Variants in CHRM3 observed in about 807,000 individuals in gnomAD.
CHRM3 encodes cholinergic receptor muscarinic 3.
In CHRM3, 11 loss-of-function variants were observed where a neutral mutation model predicts 41.8. The observed-to-expected ratio is 0.26, with a 90% CI of 0.17 to 0.44. The LOEUF is 0.44. Among genes scored for constraint, CHRM3 ranks in the 20% least tolerant of loss-of-function variants. The pLI is 1.00. For missense variants in CHRM3, 571 were observed against 745.4 expected, an observed-to-expected ratio of 0.77 and a Z score of 2.72; for synonymous variants, 297 against 301.4, an observed-to-expected ratio of 0.99 and a Z score of 0.15.
intron 4 of CHRM3, among the ~76,000 whole-genome samples, chr1:239,675,802 A>G (rs140603846): frequency 6.6e-6 from 1 of 152,282 alleles, no homozygotes; most frequent in African/African-American, 2.4e-5. Flanking sequence ...ATGATAAGAT[A>G]TTGAGCTGTG....
At chr1:239,399,334 ATTTT>A (rs71567244) in intron 1 of CHRM3, among the ~76,000 whole-genome samples, 1 of 135,208 alleles carries the variant, frequency 7.4e-6, no homozygotes. Flanking sequence ...ATGACCTCTG[ATTTT>A]TTTTTTTTTT....
rs989212444 is a variant in CHRM3 at position 239,409,575 on chromosome 1, G to C, written c.-521+22348G>C. ...ATGCTTACATGGGTGTGACTTTTAA[G>C]CAGATATTTAAAAAATTTTTGGGGC... is the stretch of plus-strand genomic sequence containing the variant. On this transcript the variant is annotated intron_variant, in intron 1 of 6. Coordinates refer to ENST00000676153, the MANE Select transcript of CHRM3 (RefSeq NM_001375978.1). Among the ~76,000 whole-genome samples the C allele has an allele frequency of 2.6e-5, 4 of 152,156 alleles. No individual in the cohort carries two copies. The East Asian group carries it at 7.7e-4, about 29-fold the overall frequency.
At chr1:239,477,678 G>T (rs1666559967) in intron 1 of CHRM3, among the ~76,000 whole-genome samples, 1 of 152,164 alleles carries the variant, frequency 6.6e-6, no homozygotes, top group African/African-American at 2.4e-5. Flanking sequence ...GGCCTTCACT[G>T]ATGGTACAGA....
chr1:239,424,359 G>C (rs10925880), intron 1 of CHRM3, among the ~76,000 whole-genome samples: 28,919 of 151,786 alleles, frequency 0.19, 2,859 homozygotes, highest in South Asian at 0.29. Flanking sequence ...TGGGTTTTGA[G>C]CTAGGCTTGG....
chr1:239,428,916 A>G (rs1294386482), intron 1 of CHRM3, among the ~76,000 whole-genome samples: 1 of 152,186 alleles, frequency 6.6e-6, no homozygotes, highest in Non-Finnish European at 1.5e-5. Context: ...TAGTGGCTGA[A>G]TAAGAGCCTG....
At chr1:239,628,561 TGGA>T (rs1383404454) in intron 3 of CHRM3, among the ~76,000 whole-genome samples, 1 of 70,152 alleles carries the variant, frequency 1.4e-5, no homozygotes, top group Non-Finnish European at 2.5e-5. Context: ...TGCGTTCCTT[TGGA>T]GGAGGAGAGG....
At chr1:239,562,571 G>T (rs888988934) in intron 3 of CHRM3, among the ~76,000 whole-genome samples, 9 of 152,000 alleles carry the variant, frequency 5.9e-5, no homozygotes, top group Non-Finnish European at 1.2e-4. Flanking sequence ...AGATGATGAT[G>T]ATGATGATTA....
At chr1:239,548,997 C>T (rs1368631543) in intron 3 of CHRM3, among the ~76,000 whole-genome samples, 1 of 152,054 alleles carries the variant, frequency 6.6e-6, no homozygotes, top group Non-Finnish European at 1.5e-5. Context: ...GCTGGGGAGG[C>T]CTCACAATCA....
At chr1:239,649,031 A>G (rs1672005642) in intron 4 of CHRM3, among the ~76,000 whole-genome samples, 1 of 152,186 alleles carries the variant, frequency 6.6e-6, no homozygotes, top group African/African-American at 2.4e-5. Context: ...TGTATTATAT[A>G]TACACATTGT....
chr1:239,770,605 G>A (rs543781242), intron 5 of CHRM3, among the ~76,000 whole-genome samples: 12 of 152,238 alleles, frequency 7.9e-5, no homozygotes, highest in Admixed American at 3.3e-4. Context: ...AAAGGACTGA[G>A]CGGAAGATGA....
intron 3 of CHRM3, among the ~76,000 whole-genome samples, chr1:239,614,078 G>A (rs565031410): frequency 6.6e-6 from 1 of 152,292 alleles, no homozygotes; most frequent in Non-Finnish European, 1.5e-5. Flanking sequence ...GAGGCTAGAG[G>A]ATCTCTTGAG....
intron 6 of CHRM3, among the ~76,000 whole-genome samples, chr1:239,842,723 C>A (rs1673919839): frequency 6.6e-6 from 1 of 152,226 alleles, no homozygotes; most frequent in African/African-American, 2.4e-5. Context: ...GTCACCCCAA[C>A]ATACACACAC....
intron 2 of CHRM3, among the ~76,000 whole-genome samples, chr1:239,522,277 C>A (rs994509244): frequency 5.3e-5 from 8 of 152,162 alleles, no homozygotes; most frequent in Admixed American, 6.6e-5. Flanking sequence ...TGAAGAAACC[C>A]TGGAGAGTGA....
chr1:239,873,345 C>CT (rs959525826), intron 6 of CHRM3, among the ~76,000 whole-genome samples: 30 of 151,406 alleles, frequency 2.0e-4, no homozygotes, highest in African/African-American at 2.4e-4. Flanking sequence ...GAAACTTTCT[C>CT]TTTTTTTTTA....
rs1399842732 is a variant in CHRM3, at chr1:239,911,265, AC to A, written c.*2042del. The A allele has an allele frequency of 6.0e-6, 1 of 166,698 alleles. No homozygotes were observed. Among genetic ancestry groups the A allele is most frequent in the African/African-American group, 2.4e-5 (1 of 41,142 alleles). The allele number at this position is 166,698 out of a possible 1,614,324, so 10.3% of individuals were successfully genotyped here. On this transcript the variant is annotated 3_prime_UTR_variant, in exon 7 of 7. Transcript: ENST00000676153. Reference sequence around the variant, plus strand: ...TCATTTTACACAGGGAAAAAAAAAAACAATCAGCATAATTGTAAGAATGATT... The same window carrying A: ...TCATTTTACACAGGGAAAAAAAAAAAAATCAGCATAATTGTAAGAATGATT...
intron 2 of CHRM3, among the ~76,000 whole-genome samples, chr1:239,538,032 T>C (rs1185189075): frequency 5.3e-5 from 8 of 152,086 alleles, no homozygotes; most frequent in Non-Finnish European, 1.2e-4. Flanking sequence ...GTGTTAATTA[T>C]GATATTGCTC....
intron 1 of CHRM3, among the ~76,000 whole-genome samples, chr1:239,483,420 A>G (rs1474141176): frequency 6.6e-6 from 1 of 152,258 alleles, no homozygotes; most frequent in East Asian, 1.9e-4. Context: ...GTCCTGGAAG[A>G]GGCTCTTCAC....
intron 1 of CHRM3, among the ~76,000 whole-genome samples, chr1:239,407,405 A>AATATATATATAT (rs143680510): frequency 7.3e-6 from 1 of 136,960 alleles, no homozygotes. Flanking sequence ...AATGACTATA[A>AATATATATATAT]ATATATATAT....
chr1:239,534,685 AT>A, intron 2 of CHRM3, among the ~76,000 whole-genome samples: 1 of 152,340 alleles, frequency 6.6e-6, no homozygotes, highest in African/African-American at 2.4e-5. Context: ...TGAATCATCA[AT>A]TTTCTTATCT....
Sources: gnomAD v4.1 joint callset for allele counts (sites outside exome capture counted in the v4.1 genomes callset) on GRCh38, gnomAD v4.1.1 for gene constraint, MANE v1.5 for transcripts, NCBI Gene and HGNC (gene_info 2026-07-23, HGNC 2026-07-21) for gene names.